The following MAMLD1 variants were observed in gnomAD, a reference collection of about 807,000 sequenced individuals.
MAMLD1 encodes the protein mastermind like domain containing 1.
A neutral mutation model predicts 45.0 loss-of-function variants in MAMLD1; 14 were observed. The ratio of observed to expected loss-of-function variants is 0.31; its 90% CI spans 0.21 to 0.49. The LOEUF is 0.49. Among genes scored for constraint, MAMLD1 ranks in the 20% least tolerant of loss-of-function variants. MAMLD1 has a pLI of 0.99. For missense variants in MAMLD1, 543 were observed against 603.6 expected (o/e 0.90, Z 1.05); for synonymous variants, 254 against 247.8 (o/e 1.02, Z -0.24).
chrX:150,407,613 CT>C (rs1356630186), intron 1 of MAMLD1, among the ~76,000 whole-genome samples: 14 of 111,713 alleles, frequency 1.3e-4, no homozygotes, highest in Admixed American at 7.6e-4. Flanking sequence ...GTCCTTACCA[CT>C]TTTTCTGATA....
chrX:150,504,833 C>T, intron 6 of MAMLD1: 2 of 754,376 alleles, frequency 2.7e-6, no homozygotes, highest in Non-Finnish European at 3.1e-6. Context: ...CACCTGAGGG[C>T]CTTTGAGGGT....
intron 1 of MAMLD1, among the ~76,000 whole-genome samples, chrX:150,396,471 A>C (rs935057187): frequency 1.8e-5 from 2 of 111,307 alleles, no homozygotes; most frequent in Non-Finnish European, 3.8e-5. Context: ...TTTAATCTCC[A>C]TGAGTTTTGG....
intron 5 of MAMLD1, among the ~76,000 whole-genome samples, chrX:150,481,461 G>A (rs947160940): frequency 6.2e-5 from 7 of 112,271 alleles, no homozygotes; most frequent in Admixed American, 9.4e-5. Flanking sequence ...AAAAAAGTAC[G>A]GCAGTTCCTC....
intron 1 of MAMLD1, among the ~76,000 whole-genome samples, chrX:150,370,012 A>G (rs782400176): frequency 9.2e-6 from 1 of 108,452 alleles, no homozygotes; most frequent in East Asian, 2.9e-4. Context: ...TTGCTGCCAT[A>G]AATGTTGATA....
intron 1 of MAMLD1, among the ~76,000 whole-genome samples, chrX:150,426,295 A>G (rs956783983): frequency 8.9e-6 from 1 of 112,503 alleles, no homozygotes; most frequent in Non-Finnish European, 1.9e-5. Flanking sequence ...AGAAGTGGTC[A>G]TGACTGATGA....
chrX:150,501,750 C>T (rs2037560756), intron 5 of MAMLD1, among the ~76,000 whole-genome samples: 1 of 112,266 alleles, frequency 8.9e-6, no homozygotes, highest in African/African-American at 3.2e-5. Context: ...AGGTCCACAC[C>T]TCCCCTTGGA....
chrX:150,498,416 A>T (rs1369919103), intron 5 of MAMLD1, among the ~76,000 whole-genome samples: 2 of 111,881 alleles, frequency 1.8e-5, no homozygotes, highest in Non-Finnish European at 3.8e-5. Context: ...AACGTTAAGT[A>T]ACTCTCCCAC....
At chrX:150,453,115 C>T (rs1271532003) in intron 2 of MAMLD1, among the ~76,000 whole-genome samples, 1 of 111,729 alleles carries the variant, frequency 9.0e-6, no homozygotes. Context: ...TGGCCCCCTG[C>T]AATGTGAGGA....
At chrX:150,490,172 T>C (rs1337981724) in intron 5 of MAMLD1, among the ~76,000 whole-genome samples, 1 of 111,983 alleles carries the variant, frequency 8.9e-6, no homozygotes, top group East Asian at 2.8e-4. Context: ...ACTGGTATGG[T>C]CACCACATCC....
chrX:150,411,916 A>C (rs1013214335), intron 1 of MAMLD1, among the ~76,000 whole-genome samples: 6 of 112,202 alleles, frequency 5.3e-5, no homozygotes, highest in Non-Finnish European at 1.1e-4. Context: ...TGTGCAAATC[A>C]CATGATTTTT....
At chrX:150,501,947 T>G (rs782396580) in intron 5 of MAMLD1, among the ~76,000 whole-genome samples, 1 of 112,395 alleles carries the variant, frequency 8.9e-6, no homozygotes, top group Non-Finnish European at 1.9e-5. Flanking sequence ...TGTATGATTT[T>G]GGGCAACTTA....
intron 1 of MAMLD1, among the ~76,000 whole-genome samples, chrX:150,439,914 T>G (rs1274615654): frequency 9.1e-6 from 1 of 110,217 alleles, no homozygotes; most frequent in African/African-American, 3.3e-5. Flanking sequence ...ACCACTGCTC[T>G]CCAGCCTGGG....
chrX:150,408,304 A>G (rs1187354011), intron 1 of MAMLD1, among the ~76,000 whole-genome samples: 21 of 111,557 alleles, frequency 1.9e-4, no homozygotes, highest in Admixed American at 1.8e-3. Flanking sequence ...TGAAACATCA[A>G]ATGGATTTCA....
chrX:150,489,146 G>A (rs942869763), intron 5 of MAMLD1, among the ~76,000 whole-genome samples: 5 of 112,388 alleles, frequency 4.4e-5, no homozygotes, highest in African/African-American at 1.3e-4. Flanking sequence ...TGTGAGCCAA[G>A]TGCTTAAGGG....
At chrX:150,510,085 A>G (rs1399467152) in intron 7 of MAMLD1, 39 bp downstream of exon 7, 1 of 928,037 alleles carries the variant, frequency 1.1e-6, no homozygotes, top group African/African-American at 1.9e-5. Flanking sequence ...GGGGTGGGCA[A>G]GGGGTGCATA....
intron 2 of MAMLD1, among the ~76,000 whole-genome samples, chrX:150,447,042 G>A (rs2035511838): frequency 8.9e-6 from 1 of 112,374 alleles, no homozygotes; most frequent in Non-Finnish European, 1.9e-5. Flanking sequence ...CTTTGGTTTT[G>A]ATCAGTGTAC....
At chrX:150,435,631 T>C (rs782454537) in intron 1 of MAMLD1, among the ~76,000 whole-genome samples, 3 of 113,168 alleles carry the variant, frequency 2.7e-5, no homozygotes, top group Non-Finnish European at 5.6e-5. Context: ...ATGGGTCTCA[T>C]GAAGACAGCA....
intron 2 of MAMLD1, among the ~76,000 whole-genome samples, chrX:150,458,101 G>A (rs902244049): frequency 2.7e-5 from 3 of 110,947 alleles, no homozygotes; most frequent in Non-Finnish European, 3.8e-5. Context: ...AAGTGGGGTC[G>A]ATATCTCTGC....
intron 2 of MAMLD1, among the ~76,000 whole-genome samples, chrX:150,452,684 A>G (rs954241411): frequency 9.3e-6 from 1 of 107,151 alleles, no homozygotes; most frequent in Non-Finnish European, 1.9e-5. Context: ...CATGTGCCAC[A>G]CTGGTGCGCT....
Sources: gnomAD v4.1 joint callset for allele counts (sites outside exome capture counted in the v4.1 genomes callset) on GRCh38, gnomAD v4.1.1 for gene constraint, MANE v1.5 for transcripts, NCBI Gene and HGNC (gene_info 2026-07-23, HGNC 2026-07-21) for gene names.